The following RALGPS2 variants were observed in gnomAD, a reference collection of about 807,000 sequenced individuals.
RALGPS2 encodes Ral GEF with PH domain and SH3 binding motif 2.
RALGPS2 carries 43 observed loss-of-function variants against 86.8 expected under a neutral mutation model. The ratio of observed to expected loss-of-function variants is 0.50; its 90% CI spans 0.39 to 0.64. The LOEUF (loss-of-function observed/expected upper bound fraction) is 0.64, where lower values mean the gene tolerates loss of function less well. Among genes scored for constraint, RALGPS2 ranks in the 30% least tolerant of loss-of-function variants. The pLI is 0.00. For missense variants in RALGPS2, 536 were observed against 694.6 expected (o/e 0.77, Z 2.57); for synonymous variants, 243 against 231.3 (o/e 1.05, Z -0.46).
chr1:178,835,056 GCATGAGCCAT>G (rs1193511135), intron 8 of RALGPS2, among the ~76,000 whole-genome samples: 1 of 152,218 alleles, frequency 6.6e-6, no homozygotes, highest in African/African-American at 2.4e-5. Context: ...GGGATTGTAG[GCATGAGCCAT>G]CACACCCAGC....
chr1:178,821,838 A>C (rs968108139), intron 7 of RALGPS2, 134 bp downstream of exon 7: 5 of 725,602 alleles, frequency 6.9e-6, no homozygotes, highest in Non-Finnish European at 1.1e-5. Flanking sequence ...TTTGTACTCT[A>C]TTCTTTGATA....
chr1:178,732,638 C>G (rs948550106), intron 1 of RALGPS2, among the ~76,000 whole-genome samples: 2 of 151,862 alleles, frequency 1.3e-5, no homozygotes, highest in Non-Finnish European at 2.9e-5. Flanking sequence ...AATATTTCAT[C>G]ATTAATTATA....
At chr1:178,902,303 A>G (rs533328270) in intron 18 of RALGPS2, 92 bp downstream of exon 18, 12 of 968,536 alleles carry the variant, frequency 1.2e-5, no homozygotes, top group East Asian at 2.5e-5. Context: ...TGTCATATAT[A>G]TAATGTTTTA....
chr1:178,772,086 T>C (rs1178480229), intron 1 of RALGPS2, among the ~76,000 whole-genome samples: 1 of 152,228 alleles, frequency 6.6e-6, no homozygotes, highest in Non-Finnish European at 1.5e-5. Context: ...TTTTCTGTTC[T>C]GCTGTTCCAC....
At chr1:178,892,483 A>G (rs755978944) in intron 15 of RALGPS2, among the ~76,000 whole-genome samples, 176 bp downstream of exon 15, 4 of 152,126 alleles carry the variant, frequency 2.6e-5, no homozygotes, top group Admixed American at 1.3e-4. Flanking sequence ...AATTTCAACT[A>G]TTCTTTCTGA....
At chr1:178,913,354 GT>G (rs760469879) in intron 19 of RALGPS2, among the ~76,000 whole-genome samples, 34 of 151,934 alleles carry the variant, frequency 2.2e-4, no homozygotes, top group Non-Finnish European at 3.8e-4. Context: ...GTTCAGTTTG[GT>G]TCTTTCTTAA....
chr1:178,747,863 C>T (rs1651426684), intron 1 of RALGPS2: 1 of 576,304 alleles, frequency 1.7e-6, no homozygotes, highest in Non-Finnish European at 3.1e-6. Flanking sequence ...TTAATAGTTA[C>T]TAAATAAATG....
At chr1:178,757,410 T>G (rs1370716606) in intron 1 of RALGPS2, among the ~76,000 whole-genome samples, 1 of 152,228 alleles carries the variant, frequency 6.6e-6, no homozygotes, top group Non-Finnish European at 1.5e-5. Context: ...GCCTGTTCAG[T>G]ATGATTGGCT....
At chr1:178,841,080 T>A (rs1191800437) in intron 8 of RALGPS2, among the ~76,000 whole-genome samples, 1 of 152,048 alleles carries the variant, frequency 6.6e-6, no homozygotes, top group Admixed American at 6.6e-5. Context: ...TACAAGGAGT[T>A]GCTGGTACCA....
At chr1:178,761,582 G>T (rs1267655516) in intron 1 of RALGPS2, among the ~76,000 whole-genome samples, 1 of 151,634 alleles carries the variant, frequency 6.6e-6, no homozygotes, top group Non-Finnish European at 1.5e-5. Flanking sequence ...TGTTTTTTAG[G>T]CAGAGTCTCA....
At chr1:178,767,617 G>A (rs1233672409) in intron 1 of RALGPS2, among the ~76,000 whole-genome samples, 1 of 152,154 alleles carries the variant, frequency 6.6e-6, no homozygotes, top group African/African-American at 2.4e-5. Flanking sequence ...GGAATCACAG[G>A]GTTGTGCCTG....
intron 8 of RALGPS2, among the ~76,000 whole-genome samples, chr1:178,876,774 T>C (rs1235148005): frequency 6.6e-6 from 1 of 152,188 alleles, no homozygotes; most frequent in East Asian, 1.9e-4. Flanking sequence ...TAAGTGACCT[T>C]TCATGTTAAG....
chr1:178,776,974 A>AG (rs1653125370), intron 2 of RALGPS2, among the ~76,000 whole-genome samples, 153 bp downstream of exon 2: 1 of 151,650 alleles, frequency 6.6e-6, no homozygotes, highest in East Asian at 1.9e-4. Flanking sequence ...TTTATACTTT[A>AG]AGTTTTAGGG....
Position 178,766,403 on chromosome 1 carries a change from A to AT in RALGPS2, c.-83-10274dup, listed in dbSNP as rs770015394. Among the ~76,000 whole-genome samples, 84 of 144,966 alleles carry AT rather than the reference A, an allele frequency of 5.8e-4. 2 individuals are homozygous for AT. In the East Asian group the frequency reaches 0.015, roughly 25 times the overall value. On this transcript the variant is annotated intron_variant, in intron 1 of 19. Transcript: ENST00000367635. ...CCCGGCTAATTTTTTTTTTTTTTGC[A>AT]TTTTTAGTAGAGATGGGGTTTTGCT...
At chr1:178,893,867 G>A in intron 15 of RALGPS2, 52 bp from the exon 16 acceptor site, 1 of 1,181,172 alleles carries the variant, frequency 8.5e-7, no homozygotes, top group South Asian at 1.4e-5. Flanking sequence ...GTACCTACTT[G>A]ATGACTATTG....
At chr1:178,885,330 T>G (rs1659437697) in intron 12 of RALGPS2, 119 bp downstream of exon 12, 15 of 973,982 alleles carry the variant, frequency 1.5e-5, no homozygotes, top group Non-Finnish European at 2.2e-5. Context: ...TCTTAATAGC[T>G]GTTTTCTGAT....
intron 8 of RALGPS2, among the ~76,000 whole-genome samples, chr1:178,848,744 T>C (rs1656994260): frequency 1.3e-5 from 2 of 152,088 alleles, no homozygotes; most frequent in South Asian, 4.1e-4. Context: ...GCAATTCTTC[T>C]GCCTCAGCCT....
chr1:178,885,293 A>G (rs1026419085), intron 12 of RALGPS2, 82 bp downstream of exon 12: 4 of 1,357,862 alleles, frequency 2.9e-6, no homozygotes, highest in Non-Finnish European at 4.0e-6. Flanking sequence ...TCAGTAGAAA[A>G]TGGTATCCTT....
chr1:178,916,740 G>T lies in RALGPS2; in HGVS notation c.*381G>T. ...TTTTAACTTTGTAATAATTTTAGAG[G>T]GGGGAATTGCCTTTTTTAGATATGC... On this transcript the variant is annotated 3_prime_UTR_variant, in exon 20 of 20. Transcript: ENST00000367635. 5.3e-6 allele frequency: 1 copy of T among 187,892 alleles called. No individual in the cohort carries two copies. The highest frequency in any genetic ancestry group is 1.9e-4 in the South Asian group (1 of 5,280). The allele number at this position is 187,892 out of a possible 1,614,324, so 11.6% of individuals were successfully genotyped here.
Sources: gnomAD v4.1 joint callset for allele counts (sites outside exome capture counted in the v4.1 genomes callset) on GRCh38, gnomAD v4.1.1 for gene constraint, MANE v1.5 for transcripts, NCBI Gene and HGNC (gene_info 2026-07-23, HGNC 2026-07-21) for gene names.